Variants in SORCS2 observed in about 807,000 individuals in gnomAD.
The protein encoded by SORCS2 is sortilin related VPS10 domain containing receptor 2.
In SORCS2, 100 loss-of-function variants were observed where a neutral mutation model predicts 141.6. The observed-to-expected ratio is 0.71, with a 90% CI of 0.60 to 0.83. SORCS2 has a LOEUF of 0.83. SORCS2 is among the 40% of genes least tolerant of loss of function. The pLI is 0.00. For missense variants in SORCS2, 1,646 were observed against 1,560.2 expected (o/e 1.05, Z -0.93); for synonymous variants, 789 against 676.9 (o/e 1.17, Z -2.57).
intron 2 of SORCS2, among the ~76,000 whole-genome samples, chr4:7,508,252 G>A (rs1732397508): frequency 7.2e-6 from 1 of 138,786 alleles, no homozygotes; most frequent in South Asian, 2.6e-4. Flanking sequence ...CAGGAGGGAG[G>A]GAGGGGGAGA....
Position 7,715,367 on chromosome 4 carries a change from A to C in SORCS2, c.2252+56A>C, listed in dbSNP as rs1726123656. ...AAATCCGGGGGCAGAGCTGTGGTGCAGCCCCGAAACCACGCCTTCCTGGCT... is the reference window on the plus strand; with the variant it reads ...AAATCCGGGGGCAGAGCTGTGGTGCCGCCCCGAAACCACGCCTTCCTGGCT... On this transcript the variant is annotated intron_variant, in intron 17 of 26. Transcript: ENST00000507866. 58 of 1,595,414 alleles carry C rather than the reference A, an allele frequency of 3.6e-5. No homozygotes were observed. In the South Asian group the frequency reaches 6.2e-4, roughly 17 times the overall value.
At chr4:7,672,135 G>A (rs901123940) in intron 8 of SORCS2, among the ~76,000 whole-genome samples, 5 of 151,896 alleles carry the variant, frequency 3.3e-5, no homozygotes, top group African/African-American at 1.2e-4. Flanking sequence ...TAGAGACAGG[G>A]TTTCACCATG....
At chr4:7,705,061 A>G (rs2109019287) in intron 14 of SORCS2, among the ~76,000 whole-genome samples, 2 of 152,288 alleles carry the variant, frequency 1.3e-5, no homozygotes, top group South Asian at 4.1e-4. Flanking sequence ...TTATTTGGAA[A>G]TGGGGTTATT....
At chr4:7,267,438 T>TG (rs1436880666) in intron 1 of SORCS2, among the ~76,000 whole-genome samples, 5 of 152,026 alleles carry the variant, frequency 3.3e-5, no homozygotes, top group African/African-American at 1.2e-4. Flanking sequence ...CCAAGCAGGC[T>TG]GGGGCGAGGT....
intron 1 of SORCS2, among the ~76,000 whole-genome samples, chr4:7,292,473 C>T (rs555331975): frequency 1.4e-5 from 2 of 138,430 alleles, no homozygotes; most frequent in African/African-American, 5.4e-5. Flanking sequence ...GTTGTGTTCA[C>T]AGTTAGTGTG....
chr4:7,555,361 AC>A (rs1305966438), intron 3 of SORCS2, among the ~76,000 whole-genome samples: 1 of 152,150 alleles, frequency 6.6e-6, no homozygotes, highest in Non-Finnish European at 1.5e-5. Flanking sequence ...TTCCAAAGAC[AC>A]CCCCAGCCAT....
At chr4:7,524,417 G>C (rs1418559881) in intron 2 of SORCS2, among the ~76,000 whole-genome samples, 1 of 152,068 alleles carries the variant, frequency 6.6e-6, no homozygotes, top group African/African-American at 2.4e-5. Context: ...AAGCCACGCG[G>C]GTTGTGGTAT....
intron 3 of SORCS2, among the ~76,000 whole-genome samples, chr4:7,545,088 A>C (rs1406159490): frequency 2.6e-5 from 4 of 152,018 alleles, no homozygotes; most frequent in African/African-American, 9.7e-5. Flanking sequence ...GCCCTAATAC[A>C]TGGAAAATTA....
At chr4:7,718,339 G>T (rs1258722346) in intron 18 of SORCS2, among the ~76,000 whole-genome samples, 156 bp downstream of exon 18, 2 of 152,202 alleles carry the variant, frequency 1.3e-5, no homozygotes, top group Non-Finnish European at 2.9e-5. Context: ...GGCAGCAGGG[G>T]GCTGGAAATC....
chr4:7,593,883 C>T (rs570896506), intron 3 of SORCS2, among the ~76,000 whole-genome samples: 1 of 152,288 alleles, frequency 6.6e-6, no homozygotes, highest in South Asian at 2.1e-4. Context: ...CAGAAGAAGG[C>T]GCTACTCGGA....
Position 7,201,680 on chromosome 4 carries a change from G to A in SORCS2, c.480+8554G>A, listed in dbSNP as rs916226760. The stretch of plus-strand genomic sequence containing the variant: ...GTACGTTGCCTCCTCTTTTGGGGCC[G>A]CCTTGTCTTTCTTTTTTCAGACTCC... On this transcript the variant is annotated intron_variant, in intron 1 of 26. Transcript: ENST00000507866. The surrounding 1 kb of genome is among the most constrained non-coding windows in gnomAD (Gnocchi z 4.4). 6.6e-6 allele frequency among the ~76,000 whole-genome samples: 1 copy of A among 152,178 alleles called. No individual in the cohort carries two copies. Among genetic ancestry groups the A allele is most frequent in the Non-Finnish European group, 1.5e-5 (1 of 68,032 alleles).
Position 7,741,028 on chromosome 4 carries a change from C to CA in SORCS2, c.*765dup. The stretch of plus-strand genomic sequence containing the variant: ...GACGGGGTAGGGCGGGCTCAGGACC[C>CA]AGTGCCCATGGTTCCTCACTCCTAC... On this transcript the variant is annotated 3_prime_UTR_variant, in exon 27 of 27. Transcript: ENST00000507866. The CA allele has an allele frequency of 1.0e-5, 4 of 398,960 alleles. No homozygotes were observed. The allele number at this position is 398,960 out of a possible 1,614,324, so 24.7% of individuals were successfully genotyped here.
rs116693779 is a variant in SORCS2, at chr4:7,509,709, C to T, written c.549-21821C>T. ...CTGGTGTTGAGGGGAAGCCATTCTG[C>T]TGCCAGGCTATGCCCCATCTGGGCT... On this transcript the variant is annotated intron_variant, in intron 2 of 26. Transcript: ENST00000507866. Among the ~76,000 whole-genome samples the T allele has an allele frequency of 9.0e-3, 1,378 of 152,300 alleles. 20 individuals are homozygous for T. Among genetic ancestry groups the T allele is most frequent in the African/African-American group, 0.031 (1,291 of 41,572 alleles).
intron 1 of SORCS2, among the ~76,000 whole-genome samples, chr4:7,256,561 T>C (rs979200895): frequency 2.9e-4 from 44 of 151,998 alleles, no homozygotes; most frequent in African/African-American, 9.7e-4. Context: ...CAAAGGCCCT[T>C]GCTAGGAACT....
chr4:7,723,211 TA>T (rs533410754), intron 18 of SORCS2, among the ~76,000 whole-genome samples: 35 of 152,124 alleles, frequency 2.3e-4, no homozygotes, highest in South Asian at 1.7e-3. Context: ...AAGAGAAAAT[TA>T]AGAACCGCAG....
intron 2 of SORCS2, among the ~76,000 whole-genome samples, chr4:7,452,063 A>G (rs924383102): frequency 2.0e-5 from 3 of 151,212 alleles, no homozygotes; most frequent in African/African-American, 7.3e-5. Context: ...TCCCCTCACC[A>G]CCATGAATGT....
chr4:7,364,720 CCTCAT>C (rs1721779525), intron 1 of SORCS2, among the ~76,000 whole-genome samples: 1 of 152,202 alleles, frequency 6.6e-6, no homozygotes, highest in African/African-American at 2.4e-5. Flanking sequence ...GTTGTGAGGA[CCTCAT>C]GTCACATGAA....
chr4:7,730,593 A>G (rs1287152425), intron 23 of SORCS2, among the ~76,000 whole-genome samples: 2 of 152,244 alleles, frequency 1.3e-5, no homozygotes, highest in East Asian at 3.8e-4. Flanking sequence ...GACAGCATGG[A>G]CGAACCTTGA....
At chr4:7,312,196 G>T (rs1469315473) in intron 1 of SORCS2, among the ~76,000 whole-genome samples, 4 of 152,202 alleles carry the variant, frequency 2.6e-5, no homozygotes, top group African/African-American at 9.6e-5. Context: ...TCTCTTAACG[G>T]TGGCTGCTGA....
Sources: allele counts gnomAD v4.1 joint callset (sites outside exome capture counted in the v4.1 genomes callset), GRCh38; gene constraint gnomAD v4.1.1; non-coding constraint Gnocchi (gnomAD v3.1); transcripts MANE v1.5; gene names NCBI Gene and HGNC (gene_info 2026-07-23, HGNC 2026-07-21).